Variants in NCKAP5 observed in about 807,000 individuals in gnomAD.
The protein encoded by NCKAP5 is nck-associated protein 5.
A neutral mutation model predicts 167.0 loss-of-function variants in NCKAP5; 92 were observed. The ratio of observed to expected loss-of-function variants is 0.55; its 90% CI spans 0.47 to 0.66. The LOEUF is 0.66. NCKAP5 is among the 30% of genes least tolerant of loss of function. NCKAP5 has a pLI of 0.00. For synonymous variants in NCKAP5, 891 were observed against 877.4 expected, an observed-to-expected ratio of 1.02 and a Z score of -0.27; for missense variants, 2,378 against 2,315.0, an observed-to-expected ratio of 1.03 and a Z score of -0.56.
At chr2:132,962,782 G>A (rs1248821873) in intron 8 of NCKAP5, among the ~76,000 whole-genome samples, 3 of 151,984 alleles carry the variant, frequency 2.0e-5, no homozygotes, top group East Asian at 1.9e-4. Context: ...TAGTAGAGAC[G>A]GGGTTTCACC....
At chr2:133,436,635 G>A (rs1690498037) in intron 3 of NCKAP5, among the ~76,000 whole-genome samples, 2 of 152,014 alleles carry the variant, frequency 1.3e-5, no homozygotes. Flanking sequence ...CCTCTTCTTT[G>A]CTCAGATCCC....
At chr2:132,849,264 A>G (rs1187770433) in intron 11 of NCKAP5, among the ~76,000 whole-genome samples, 3 of 152,062 alleles carry the variant, frequency 2.0e-5, no homozygotes, top group Non-Finnish European at 2.9e-5. Flanking sequence ...AAAGTTAACC[A>G]CAAGATTAAA....
At chr2:133,384,670 G>T (rs568925839) in intron 3 of NCKAP5, among the ~76,000 whole-genome samples, 4 of 152,268 alleles carry the variant, frequency 2.6e-5, no homozygotes, top group Admixed American at 2.6e-4. Context: ...TCACAATATT[G>T]ATTCTTCCTA....
At chr2:132,941,285 CA>C (rs1697275964) in intron 8 of NCKAP5, among the ~76,000 whole-genome samples, 1 of 152,360 alleles carries the variant, frequency 6.6e-6, no homozygotes, top group African/African-American at 2.4e-5. Context: ...TCCATTCCAG[CA>C]CTATCAGCAT....
chr2:133,471,094 C>A (rs1225114582), intron 3 of NCKAP5, among the ~76,000 whole-genome samples: 1 of 152,212 alleles, frequency 6.6e-6, no homozygotes, highest in Non-Finnish European at 1.5e-5. Flanking sequence ...ATCAGTCATT[C>A]CACAAGAAAC....
At chr2:133,186,977 T>A (rs567668249) in intron 5 of NCKAP5, among the ~76,000 whole-genome samples, 1 of 152,198 alleles carries the variant, frequency 6.6e-6, no homozygotes, top group Non-Finnish European at 1.5e-5. Flanking sequence ...TGATTTTAGT[T>A]ACATCTTTTC....
chr2:132,946,203 C>T (rs1376395768), intron 8 of NCKAP5, among the ~76,000 whole-genome samples: 1 of 152,122 alleles, frequency 6.6e-6, no homozygotes, highest in Non-Finnish European at 1.5e-5. Flanking sequence ...AATCAATTTC[C>T]AAGTCTGCTG....
At chr2:133,404,740 T>G (rs1443943043) in intron 3 of NCKAP5, among the ~76,000 whole-genome samples, 1 of 152,220 alleles carries the variant, frequency 6.6e-6, no homozygotes, top group African/African-American at 2.4e-5. Context: ...TTCTTGCAAA[T>G]AACTATGCTT....
chr2:133,564,790 C>G (rs1288764039), intron 1 of NCKAP5, among the ~76,000 whole-genome samples: 1 of 152,126 alleles, frequency 6.6e-6, no homozygotes, highest in East Asian at 1.9e-4. Flanking sequence ...AAGCAAGGCT[C>G]ACAGGTGCCA....
intron 2 of NCKAP5, among the ~76,000 whole-genome samples, chr2:133,529,789 A>C (rs1421789377): frequency 6.6e-6 from 1 of 152,194 alleles, no homozygotes; most frequent in Non-Finnish European, 1.5e-5. Context: ...TTATTGGTGA[A>C]GCTGGGCATC....
At chr2:133,462,654 C>G (rs1388615982) in intron 3 of NCKAP5, among the ~76,000 whole-genome samples, 3 of 152,102 alleles carry the variant, frequency 2.0e-5, no homozygotes, top group Non-Finnish European at 4.4e-5. Context: ...ATATCATACA[C>G]AGAACTTGGA....
intron 3 of NCKAP5, among the ~76,000 whole-genome samples, chr2:133,414,320 G>T (rs1439280165): frequency 1.3e-5 from 2 of 152,136 alleles, no homozygotes; most frequent in African/African-American, 2.4e-5. Context: ...ATTCCAAATG[G>T]AGTCTGTCTT....
At chr2:132,915,824 C>T (rs990324983) in intron 8 of NCKAP5, among the ~76,000 whole-genome samples, 1 of 152,008 alleles carries the variant, frequency 6.6e-6, no homozygotes, top group Non-Finnish European at 1.5e-5. Context: ...GCCAGCCACA[C>T]TCAGTTTCTT....
At chr2:133,429,067 G>A (rs372480363) in intron 3 of NCKAP5, among the ~76,000 whole-genome samples, 2 of 152,104 alleles carry the variant, frequency 1.3e-5, no homozygotes, top group Non-Finnish European at 2.9e-5. Flanking sequence ...GCCCTCTGCG[G>A]GACGGTTATA....
At chr2:133,620,769 A>G in the NCKAP5 span, among the ~76,000 whole-genome samples, 40,454 of 152,038 alleles carry the variant, frequency 0.27, 8,270 homozygotes, top group African/African-American at 0.55. Context: ...AGAACAAATG[A>G]ACTTAACAGA....
rs577122090 is a variant in NCKAP5, at chr2:133,470,190, A to G, written c.69+47268T>C. Reference sequence around the variant, plus strand: ...ATGGTGATGTACAGATGGGTTTTCGATGTGGATGTCCTTTCTGTTTGTTAG... The same window carrying G: ...ATGGTGATGTACAGATGGGTTTTCGGTGTGGATGTCCTTTCTGTTTGTTAG... On this transcript the variant is annotated intron_variant, in intron 3 of 19. Transcript: ENST00000409261. 2.2e-4 allele frequency among the ~76,000 whole-genome samples: 34 copies of G among 152,154 alleles called. No homozygotes were observed. The East Asian group carries it at 3.5e-3, about 16-fold the overall frequency.
intron 16 of NCKAP5, among the ~76,000 whole-genome samples, chr2:132,766,275 T>G (rs1681475763): frequency 1.2e-5 from 1 of 80,236 alleles, no homozygotes; most frequent in Non-Finnish European, 2.1e-5. Flanking sequence ...TGAGATTCTG[T>G]CTCAAAAAAA....
intron 12 of NCKAP5, 66 bp downstream of exon 12, chr2:132,796,562 C>T: frequency 9.0e-7 from 1 of 1,112,222 alleles, no homozygotes; most frequent in South Asian, 1.4e-5. Context: ...TCGCTTGTGA[C>T]ATCATATTTG....
At chr2:133,664,547 T>G in the NCKAP5 span, among the ~76,000 whole-genome samples, 7 of 152,268 alleles carry the variant, frequency 4.6e-5, no homozygotes, top group East Asian at 1.4e-3. Flanking sequence ...GTTGCCAGGC[T>G]GGAGTGCAGT....
Sources: allele counts gnomAD v4.1 joint callset (sites outside exome capture counted in the v4.1 genomes callset), GRCh38; gene constraint gnomAD v4.1.1; transcripts MANE v1.5; gene names NCBI Gene and HGNC (gene_info 2026-07-23, HGNC 2026-07-21).